Variants in GAS2 observed in about 807,000 individuals in gnomAD.
GAS2 encodes the protein growth arrest specific 2.
Under a neutral mutation model 37.5 loss-of-function variants are expected in GAS2, and 20 were observed. The ratio of observed to expected loss-of-function variants is 0.53; its 90% confidence interval spans 0.37 to 0.77. The LOEUF is 0.77. Ranked by LOEUF, GAS2 falls within the 30% of genes least tolerant of loss-of-function variation. The pLI, the probability that GAS2 is intolerant of heterozygous loss-of-function variation, is 0.00. For missense variants in GAS2, 336 were observed against 373.4 expected (o/e 0.90, Z 0.82); for synonymous variants, 144 against 132.2 (o/e 1.09, Z -0.61).
chr11:22,701,782 T>C (rs1850856317), intron 3 of GAS2, among the ~76,000 whole-genome samples: 1 of 151,530 alleles, frequency 6.6e-6, no homozygotes, highest in Non-Finnish European at 1.5e-5. Flanking sequence ...TGAGCCGAGA[T>C]CACACCACTG....
intron 1 of GAS2, among the ~76,000 whole-genome samples, chr11:22,653,516 A>C (rs1277048203): frequency 1.3e-5 from 2 of 152,214 alleles, no homozygotes; most frequent in Admixed American, 6.5e-5. Flanking sequence ...TTCCAGATCT[A>C]TATGAAGACT....
intron 7 of GAS2, among the ~76,000 whole-genome samples, chr11:22,782,282 C>T (rs1855589131): frequency 6.6e-6 from 1 of 152,162 alleles, no homozygotes; most frequent in South Asian, 2.1e-4. Context: ...GAGTTATCAT[C>T]AGCAACAGAA....
chr11:22,763,097 T>C (rs1448767922), intron 7 of GAS2, among the ~76,000 whole-genome samples: 2 of 152,212 alleles, frequency 1.3e-5, no homozygotes, highest in South Asian at 2.1e-4. Context: ...AATAATTTAA[T>C]TGGAAGTCAG....
intron 2 of GAS2, among the ~76,000 whole-genome samples, chr11:22,675,665 A>G (rs1849393254): frequency 7.9e-6 from 1 of 126,236 alleles, no homozygotes; most frequent in East Asian, 2.7e-4. Flanking sequence ...ATAGAATCAC[A>G]TGTTTAAAGG....
chr11:22,805,843 T>C (rs1856857960), intron 7 of GAS2, among the ~76,000 whole-genome samples: 1 of 152,124 alleles, frequency 6.6e-6, no homozygotes, highest in Non-Finnish European at 1.5e-5. Context: ...TTTTGGACCA[T>C]ATAGGGTAAC....
intron 2 of GAS2, among the ~76,000 whole-genome samples, chr11:22,683,502 G>T (rs1021925991): frequency 2.6e-5 from 4 of 152,222 alleles, no homozygotes; most frequent in Admixed American, 2.6e-4. Context: ...CTGATCTCAG[G>T]TGATCTGCCT....
intron 7 of GAS2, among the ~76,000 whole-genome samples, chr11:22,758,845 G>A (rs192304233): frequency 1.8e-4 from 26 of 145,382 alleles, no homozygotes; most frequent in Admixed American, 7.2e-4. Context: ...CCCAGGAGGC[G>A]GAGGTTGTGG....
intron 2 of GAS2, among the ~76,000 whole-genome samples, chr11:22,675,679 A>C (rs1249920084): frequency 1.1e-5 from 1 of 88,840 alleles, no homozygotes; most frequent in Admixed American, 1.3e-4. Flanking sequence ...TTAAAGGATC[A>C]TCATATATAG....
At chr11:22,782,872 C>T (rs560011392) in intron 7 of GAS2, among the ~76,000 whole-genome samples, 10 of 150,496 alleles carry the variant, frequency 6.6e-5, no homozygotes, top group South Asian at 2.1e-4. Context: ...GTTGATTCCA[C>T]GTCTTTGCTC....
At chr11:22,661,543 C>T (rs1438990908) in intron 1 of GAS2, among the ~76,000 whole-genome samples, 2 of 152,070 alleles carry the variant, frequency 1.3e-5, no homozygotes, top group East Asian at 3.9e-4. Context: ...GACATAGAGT[C>T]ACAAAAAATA....
chr11:22,746,969 C>G (rs1352831643), intron 5 of GAS2, among the ~76,000 whole-genome samples: 1 of 152,018 alleles, frequency 6.6e-6, no homozygotes, highest in African/African-American at 2.4e-5. Context: ...TGGTACTTGT[C>G]AAGAGCAAGG....
chr11:22,711,732 T>C (rs1405425008), intron 3 of GAS2, among the ~76,000 whole-genome samples: 2 of 152,156 alleles, frequency 1.3e-5, no homozygotes, highest in Non-Finnish European at 2.9e-5. Context: ...CACTGCCAGC[T>C]TTCCCCCACT....
At chr11:22,737,905 T>G in intron 5 of GAS2, 137 bp downstream of exon 5, 1 of 763,444 alleles carries the variant, frequency 1.3e-6, no homozygotes, top group Non-Finnish European at 2.3e-6. Context: ...TAATATGAAC[T>G]TCTTGAGGGC....
intron 7 of GAS2, among the ~76,000 whole-genome samples, chr11:22,767,989 C>A (rs1191164594): frequency 6.6e-6 from 1 of 152,140 alleles, no homozygotes; most frequent in Non-Finnish European, 1.5e-5. Context: ...ACCCAGCAGG[C>A]ACCTCCTTCA....
intron 2 of GAS2, among the ~76,000 whole-genome samples, chr11:22,678,376 T>C (rs1849532836): frequency 6.6e-6 from 1 of 152,150 alleles, no homozygotes; most frequent in Non-Finnish European, 1.5e-5. Flanking sequence ...TAATTTATTA[T>C]TGGCTGTTTT....
At chr11:22,698,684 C>T (rs337462) in intron 3 of GAS2, among the ~76,000 whole-genome samples, 30,114 of 150,116 alleles carry the variant, frequency 0.2, 3,342 homozygotes, top group East Asian at 0.4. Context: ...ATCAAGTGGG[C>T]TTCATCCCTG....
chr11:22,628,938 AC>A (rs1384967502), intron 1 of GAS2, among the ~76,000 whole-genome samples: 2 of 151,998 alleles, frequency 1.3e-5, no homozygotes, highest in African/African-American at 4.8e-5. Context: ...CTCCAGTTCC[AC>A]CCAAGTGGCT....
At chr11:22,733,908 C>G (rs1362537398) in intron 4 of GAS2, among the ~76,000 whole-genome samples, 1 of 151,702 alleles carries the variant, frequency 6.6e-6, no homozygotes, top group East Asian at 1.9e-4. Context: ...CTCTCTTCTA[C>G]CCCAACTCAA....
intron 1 of GAS2, among the ~76,000 whole-genome samples, chr11:22,638,360 T>C (rs1395078427): frequency 2.0e-5 from 3 of 152,008 alleles, no homozygotes; most frequent in Non-Finnish European, 4.4e-5. Flanking sequence ...TTTTTTTTTT[T>C]TTTGAGACAG....
Sources: allele counts gnomAD v4.1 joint callset (sites outside exome capture counted in the v4.1 genomes callset), GRCh38; gene constraint gnomAD v4.1.1; transcripts MANE v1.5; gene names NCBI Gene and HGNC (gene_info 2026-07-23, HGNC 2026-07-21).